SLC35B1: variants seen among roughly 807,000 people sequenced by gnomAD.
SLC35B1 encodes the protein ATP/ADP exchanger ER.
In SLC35B1, 27 loss-of-function variants were observed where a neutral mutation model predicts 36.6. That is an observed-to-expected ratio of 0.74 (90% CI 0.54 to 1.02). The LOEUF is 1.02. Among genes scored for constraint, SLC35B1 ranks in the 50% least tolerant of loss-of-function variants. The pLI is 0.00. For synonymous variants in SLC35B1, 162 were observed against 152.5 expected, an observed-to-expected ratio of 1.06 and a Z score of -0.46; for missense variants, 321 against 383.2, an observed-to-expected ratio of 0.84 and a Z score of 1.35.
At chr17:49,703,647 A>G (rs2073380024) in intron 6 of SLC35B1, 1 of 346,006 alleles carries the variant, frequency 2.9e-6, no homozygotes, top group African/African-American at 2.1e-5. Flanking sequence ...TTCAGCCATC[A>G]GCAGCCTCCA....
intron 1 of SLC35B1, chr17:49,707,412 T>A: frequency 6.9e-7 from 1 of 1,441,556 alleles, no homozygotes; most frequent in Non-Finnish European, 9.2e-7. Context: ...TTTGCAAGCA[T>A]CTGGGAGTAC....
intron 6 of SLC35B1, 79 bp from the exon 7 acceptor site, chr17:49,703,373 CA>C: frequency 3.7e-6 from 3 of 807,616 alleles, no homozygotes; most frequent in Non-Finnish European, 6.2e-6. Flanking sequence ...CACACACACA[CA>C]CAGACACTCC....
intron 5 of SLC35B1, 150 bp downstream of exon 5, chr17:49,704,972 TAG>T (rs2073396976): frequency 1.5e-6 from 1 of 673,002 alleles, no homozygotes; most frequent in Non-Finnish European, 2.5e-6. Context: ...ATGGCATTAA[TAG>T]AGTCAGGGGC....
chr17:49,704,405 C>G (rs998296208), intron 5 of SLC35B1, among the ~76,000 whole-genome samples, 179 bp from the exon 6 acceptor site: 3 of 151,990 alleles, frequency 2.0e-5, no homozygotes, highest in South Asian at 2.1e-4. Flanking sequence ...CACTACCCCC[C>G]ACCCCCGCCC....
intron 6 of SLC35B1, 150 bp from the exon 7 acceptor site, chr17:49,703,444 G>T: frequency 1.6e-6 from 1 of 616,560 alleles, no homozygotes; most frequent in Non-Finnish European, 3.0e-6. Context: ...GTATGGTGTG[G>T]GTTTGCATCG....
intron 4 of SLC35B1, 187 bp downstream of exon 4, chr17:49,705,679 T>C (rs111949151): frequency 1.5e-6 from 1 of 677,374 alleles, no homozygotes; most frequent in African/African-American, 1.8e-5. Context: ...CTATTAAGGA[T>C]TACCAGCCTA....
chr17:49,701,720 A>G (rs938143605), intron 8 of SLC35B1: 10 of 518,456 alleles, frequency 1.9e-5, no homozygotes, highest in South Asian at 2.6e-5. Context: ...CTATATAAAT[A>G]TATCTATATA....
Position 49,706,281 on chromosome 17 carries a change from C to T in SLC35B1, c.262G>A (p.Ala88Thr). 1.9e-6 allele frequency: 3 copies of T among 1,582,462 alleles called. No individual in the cohort carries two copies. The highest frequency in any genetic ancestry group is 2.6e-6 in the Non-Finnish European group (3 of 1,170,392). The change falls in exon 3 of 9, where the codon GCT becomes ACT. Residue 88 changes from alanine (A) to threonine (T), a missense_variant. Physicochemically the swap from Ala to Thr is moderately conservative, Grantham distance 58. Coordinates refer to ENST00000240333, the MANE Select transcript of SLC35B1 (RefSeq NM_005827.4). ...RVDRTRSWLY[A>T]ACSISYLGAM... ...CCCAGATAGGAGATAGAACAGGCAG[C>T]ATAGAGCCAGCTCCGGGTACGATCC...
intron 6 of SLC35B1, 184 bp from the exon 7 acceptor site, chr17:49,703,478 T>A: frequency 1.8e-6 from 1 of 542,908 alleles, no homozygotes; most frequent in East Asian, 3.3e-5. Context: ...TCTTCTCATA[T>A]TTTTCTCTGA....
intron 6 of SLC35B1, 115 bp from the exon 7 acceptor site, chr17:49,703,409 C>A: frequency 2.7e-6 from 2 of 728,936 alleles, no homozygotes. Context: ...TAAAGAACTG[C>A]AAGGGAGGTG....
intron 8 of SLC35B1, chr17:49,702,164 A>C (rs911755398): frequency 3.6e-5 from 6 of 166,320 alleles, no homozygotes; most frequent in African/African-American, 1.4e-4. Context: ...TCTGTCACCC[A>C]GGTGGGAGTG....
At chr17:49,701,700 A>C (rs1476091894) in intron 8 of SLC35B1, 190 bp from the exon 9 acceptor site, 5 of 556,564 alleles carry the variant, frequency 9.0e-6, no homozygotes, top group Non-Finnish European at 1.6e-5. Context: ...GTTATTACAG[A>C]TATCTGTATC....
chr17:49,707,757 A>C lies in SLC35B1; in HGVS notation c.77T>G (p.Phe26Cys). ...CTTTTCCTGCAGGATCCCATAGTAA[A>C]AATAGCAGACAAAGACACCCAGGAA... ...LCFLGVFVCY[F>C]YYGILQEKIT... The change falls in exon 1 of 9, where the codon TTT (phenylalanine) becomes TGT (cysteine). Residue 26 changes from phenylalanine to cysteine, a missense_variant. Transcript: ENST00000240333. 6.2e-7 allele frequency: 1 copy of C among 1,612,042 alleles called. No homozygotes were observed. Among genetic ancestry groups the C allele is most frequent in the Admixed American group, 1.7e-5 (1 of 60,016 alleles).
At chr17:49,706,909 T>C in intron 2 of SLC35B1, 56 bp downstream of exon 2, 1 of 1,251,334 alleles carries the variant, frequency 8.0e-7, no homozygotes. Flanking sequence ...ATGCCCAGCA[T>C]ACTGAGGGAA....
At chr17:49,701,987 G>A in intron 8 of SLC35B1, 1 of 323,350 alleles carries the variant, frequency 3.1e-6, no homozygotes, top group South Asian at 2.4e-5. Context: ...CAACTACTCG[G>A]GAGGCTGTGG....
intron 1 of SLC35B1, chr17:49,707,500 G>T: frequency 6.8e-7 from 1 of 1,474,274 alleles, no homozygotes; most frequent in East Asian, 2.6e-5. Context: ...GAACCAAGCG[G>T]GGAAAAACAG....
Position 49,707,881 on chromosome 17 carries a change from G to A in SLC35B1, c.-48C>T. On this transcript the variant is annotated 5_prime_UTR_variant, in exon 1 of 9. Coordinates refer to ENST00000240333, the MANE Select transcript of SLC35B1 (RefSeq NM_005827.4). ...GGAGACCCGCTCACAACCGGCACCG[G>A]CAGCAGCGGCGGCGGAGGCGACAGC... 6.2e-7 allele frequency: 1 copy of A among 1,605,806 alleles called. No individual in the cohort carries two copies. The highest frequency in any genetic ancestry group is 8.5e-7 in the Non-Finnish European group (1 of 1,177,012).
At chr17:49,703,760 G>C in intron 6 of SLC35B1, 1 of 348,958 alleles carries the variant, frequency 2.9e-6, no homozygotes, top group South Asian at 2.6e-5. Context: ...CATTTGAACT[G>C]TCTTCAGTGT....
chr17:49,702,566 C>T (rs2073364469), intron 8 of SLC35B1: 1 of 266,906 alleles, frequency 3.7e-6, no homozygotes, highest in South Asian at 5.2e-5. Context: ...AACCCCATCT[C>T]TACTAAAAAT....
Sources: allele counts gnomAD v4.1 joint callset (sites outside exome capture counted in the v4.1 genomes callset), GRCh38; gene constraint gnomAD v4.1.1; transcripts MANE v1.5; gene names NCBI Gene and HGNC (gene_info 2026-07-23, HGNC 2026-07-21).